Variants in MRPS16 observed in about 807,000 individuals in gnomAD.
MRPS16 encodes small ribosomal subunit protein bS16m.
Under a neutral mutation model 11.0 loss-of-function variants are expected in MRPS16, and 5 were observed. The observed-to-expected ratio is 0.46, with a 90% CI of 0.24 to 0.96. The LOEUF (loss-of-function observed/expected upper bound fraction) is 0.96. Ranked by LOEUF, MRPS16 falls within the 40% of genes least tolerant of loss-of-function variation. The probability of loss-of-function intolerance (pLI) is 0.20; values close to 1 mark genes in which losing one functional copy is unlikely to be tolerated. For missense variants in MRPS16, 179 were observed against 174.4 expected, an observed-to-expected ratio of 1.03 and a Z score of -0.15; for synonymous variants, 76 against 65.0, an observed-to-expected ratio of 1.17 and a Z score of -0.81.
Position 73,252,013 on chromosome 10 carries a change from G to A in MRPS16, c.24C>T (p.Leu8=), listed in dbSNP as rs777170859. The part of the protein sequence containing the change: MVHLTTL[L]CKAYRGGHLT... The stretch of plus-strand genomic sequence containing the variant: ...AGTGGCCCCCACGGTAGGCCTTGCA[G>A]AGGAGAGTAGCTGTAGAAAAGCAGC... Residue 8 remains leucine (L), a synonymous_variant, in exon 2 of 3, where the codon CTC becomes CTT. Transcript: ENST00000372945. The A allele has an allele frequency of 1.9e-6, 3 of 1,613,740 alleles. No individual in the cohort carries two copies. In the East Asian group the frequency reaches 6.7e-5, roughly 36 times the overall value.
Position 73,251,968 on chromosome 10 carries a change from C to T in MRPS16, c.69G>A (p.Leu23=), listed in dbSNP as rs146931290. The T allele has an allele frequency of 2.5e-6, 4 of 1,614,192 alleles. No homozygotes were observed. Among genetic ancestry groups the T allele is most frequent in the Non-Finnish European group, 3.4e-6 (4 of 1,180,030 alleles). The change falls in exon 2 of 3, where the codon CTG becomes CTA. Residue 23 remains leucine, a synonymous_variant. Transcript: ENST00000372945. ...RGGHLTIRLA[L]GGCTNRPFYR... Reference sequence around the variant, plus strand: ...AGAACGGCCGATTGGTGCAGCCACCCAGGGCAAGGCGGATGGTTAAGTGGC... The same window carrying T: ...AGAACGGCCGATTGGTGCAGCCACCTAGGGCAAGGCGGATGGTTAAGTGGC...
Position 73,249,362 on chromosome 10 carries a change from T to C in MRPS16, c.*1490A>G, listed in dbSNP as rs1014616438. Reference sequence around the variant, plus strand: ...CAAATAAAAAAGTAGAACTAAAGTATACTGAAGTTATTCAAATACATTCAA... The same window carrying C: ...CAAATAAAAAAGTAGAACTAAAGTACACTGAAGTTATTCAAATACATTCAA... On this transcript the variant is annotated 3_prime_UTR_variant, in exon 3 of 3. Coordinates refer to ENST00000372945, the MANE Select transcript of MRPS16 (RefSeq NM_016065.4). 1 of 1,517,526 alleles carries C rather than the reference T, an allele frequency of 6.6e-7. No homozygotes were observed. The highest frequency in any genetic ancestry group is 1.4e-5 in the African/African-American group (1 of 72,142). 94.0% of individuals were successfully genotyped at this position (1,517,526 alleles called of 1,614,324 possible). A position where few individuals can be genotyped will look rare whatever the true frequency, so the allele number is the denominator to read the frequency against.
intron 1 of MRPS16, 82 bp from the exon 2 acceptor site, chr10:73,252,105 A>G: frequency 1.3e-6 from 2 of 1,531,000 alleles, no homozygotes; most frequent in Non-Finnish European, 1.8e-6. Context: ...CCCTTTTCCC[A>G]CTGAAATGTC....
intron 2 of MRPS16, among the ~76,000 whole-genome samples, chr10:73,251,377 CTT>C (rs371844159): frequency 1.2e-4 from 17 of 146,682 alleles, no homozygotes; most frequent in African/African-American, 4.0e-4. Flanking sequence ...TGAAATAACT[CTT>C]TTTTTTTTTT....
At position 73,252,585 on chromosome 10, in the gene MRPS16, C is replaced by A. The variant is rs11538567; in HGVS notation, c.-103G>T. 41,677 of 1,507,208 alleles carry A rather than the reference C, an allele frequency of 0.028. 765 individuals are homozygous for A. Among genetic ancestry groups the A allele is most frequent in the Middle Eastern group, 0.086 (508 of 5,876 alleles). The allele number at this position is 1,507,208 out of a possible 1,614,324, so 93.4% of individuals were successfully genotyped here. A position where few individuals can be genotyped will look rare whatever the true frequency, so the allele number is the denominator to read the frequency against. On this transcript the variant is annotated 5_prime_UTR_variant, in exon 1 of 3. Transcript: ENST00000372945. ...ACAAACACAGAAAGAACCTGCAAGC[C>A]GACACCAGGCCGCACCGCCAAGCGG...
chr10:73,252,111 A>C, intron 1 of MRPS16, 88 bp from the exon 2 acceptor site: 1 of 1,518,634 alleles, frequency 6.6e-7, no homozygotes, highest in African/African-American at 1.4e-5. Context: ...TCCCACTGAA[A>C]TGTCTCACTT....
intron 1 of MRPS16, 178 bp from the exon 2 acceptor site, chr10:73,252,201 C>G: frequency 9.0e-7 from 1 of 1,106,090 alleles, no homozygotes; most frequent in South Asian, 1.4e-5. Flanking sequence ...CAGCAATGAC[C>G]TCCTCCTCAT....
Position 73,250,913 on chromosome 10 carries a change from A to AC in MRPS16, c.352dup (p.Val118GlyfsTer39). The AC allele has an allele frequency of 6.2e-7, 1 of 1,614,178 alleles. No individual in the cohort carries two copies. Among genetic ancestry groups the AC allele is most frequent in the Non-Finnish European group, 8.5e-7 (1 of 1,180,032 alleles). ...ATCTGTTTTCTGAGAAGCTAACAGG[A>AC]CTTCACGTGCCCGTTTCCTTCGCAG... On this transcript the variant is annotated frameshift_variant, in exon 3 of 3. Transcript: ENST00000372945. LOFTEE classifies it high-confidence loss of function.
At position 73,250,772 on chromosome 10, in the gene MRPS16, TAAC is replaced by T; in HGVS notation, c.*77_*79del. 1.3e-6 allele frequency: 2 copies of T among 1,574,618 alleles called. No homozygotes were observed. Among genetic ancestry groups the T allele is most frequent in the Non-Finnish European group, 1.7e-6 (2 of 1,153,948 alleles). On this transcript the variant is annotated 3_prime_UTR_variant, in exon 3 of 3. Coordinates refer to ENST00000372945, the MANE Select transcript of MRPS16 (RefSeq NM_016065.4). Reference sequence around the variant, plus strand: ...TACTCCATTTATTGAACTCCAAATCTAACAAAATTAAGATCGCTGCAGTGTTTC... The same window carrying T: ...TACTCCATTTATTGAACTCCAAATCTAAAATTAAGATCGCTGCAGTGTTTC...
Position 73,251,903 on chromosome 10 carries a change from C to T in MRPS16, c.134G>A (p.Gly45Asp). 6.2e-7 allele frequency: 1 copy of T among 1,614,164 alleles called. No individual in the cohort carries two copies. The highest frequency in any genetic ancestry group is 8.5e-7 in the Non-Finnish European group (1 of 1,180,032). Residue 45 changes from glycine to aspartate, a missense_variant, in exon 2 of 3, where the codon GGC becomes GAC. Transcript: ENST00000372945. ...GGAGCCCAGCTGCTCTACGAAACGG[C>T]CATCCCTGGGACACTTGTTGTGAGC... ...VAAHNKCPRD[G>D]RFVEQLGSYD... is the part of the protein sequence containing the mutation.
Position 73,250,510 on chromosome 10 carries a change from ATGAATAGTC to A in MRPS16, c.*333_*341del. 1 of 366,072 alleles carries A rather than the reference ATGAATAGTC, an allele frequency of 2.7e-6. No individual in the cohort carries two copies. The highest frequency in any genetic ancestry group is 5.2e-6 in the Non-Finnish European group (1 of 192,486). 22.7% of individuals were successfully genotyped at this position (366,072 alleles called of 1,614,324 possible). A position where few individuals can be genotyped will look rare whatever the true frequency, so the allele number is the denominator to read the frequency against. On this transcript the variant is annotated 3_prime_UTR_variant, in exon 3 of 3. Transcript: ENST00000372945. Reference sequence around the variant, plus strand: ...ATGAACATGAAGATCTGAATGGGCCATGAATAGTCTGGCTGGGGGTTTTGAAGCAGGAAG... The same window carrying A: ...ATGAACATGAAGATCTGAATGGGCCATGGCTGGGGGTTTTGAAGCAGGAAG...
chr10:73,249,211 C>G lies in MRPS16; in HGVS notation c.*1641G>C. 1 of 1,421,102 alleles carries G rather than the reference C, an allele frequency of 7.0e-7. No homozygotes were observed. The highest frequency in any genetic ancestry group is 9.7e-7 in the Non-Finnish European group (1 of 1,032,214). 88.0% of individuals were successfully genotyped at this position (1,421,102 alleles called of 1,614,324 possible). A position where few individuals can be genotyped will look rare whatever the true frequency, so the allele number is the denominator to read the frequency against. ...GAGATTACAGGTGTGAGCCACTGCC[C>G]CAATGGTATCTTTATATTATTTTTC... is the stretch of plus-strand genomic sequence containing the variant. On this transcript the variant is annotated 3_prime_UTR_variant, in exon 3 of 3. Transcript: ENST00000372945.
At position 73,252,604 on chromosome 10, in the gene MRPS16, C is replaced by T. The variant is rs1250096795; in HGVS notation, c.-122G>A. The T allele has an allele frequency of 1.4e-6, 2 of 1,415,024 alleles. No individual in the cohort carries two copies. The highest frequency in any genetic ancestry group is 9.6e-7 in the Non-Finnish European group (1 of 1,036,942). 87.7% of individuals were successfully genotyped at this position (1,415,024 alleles called of 1,614,324 possible). On this transcript the variant is annotated 5_prime_UTR_variant, in exon 1 of 3. Transcript: ENST00000372945. ...GCAAGCCGACACCAGGCCGCACCGCCAAGCGGTACAAGCCCGAAAACCTCG... is the reference window on the plus strand; with the variant it reads ...GCAAGCCGACACCAGGCCGCACCGCTAAGCGGTACAAGCCCGAAAACCTCG...
At position 73,250,749 on chromosome 10, in the gene MRPS16, C is replaced by T. The variant is rs923184891; in HGVS notation, c.*103G>A. On this transcript the variant is annotated 3_prime_UTR_variant, in exon 3 of 3. Coordinates refer to ENST00000372945, the MANE Select transcript of MRPS16 (RefSeq NM_016065.4). The stretch of plus-strand genomic sequence containing the variant: ...AGAAGAGCAAGGGCAACTCAGGATA[C>T]TCCATTTATTGAACTCCAAATCTAA... 1.3e-5 allele frequency: 20 copies of T among 1,481,516 alleles called. No homozygotes were observed. Among genetic ancestry groups the T allele is most frequent in the Non-Finnish European group, 1.8e-5 (19 of 1,073,212 alleles). 91.8% of individuals were successfully genotyped at this position (1,481,516 alleles called of 1,614,324 possible).
chr10:73,252,215 C>G, intron 1 of MRPS16, 192 bp from the exon 2 acceptor site: 1 of 1,044,146 alleles, frequency 9.6e-7, no homozygotes, highest in Non-Finnish European at 1.4e-6. Flanking sequence ...TCCTCATACC[C>G]AAACCCACCC....
rs2044137671 is a variant in MRPS16 at position 73,252,596 on chromosome 10, C to T, written c.-114G>A. The T allele has an allele frequency of 6.8e-7, 1 of 1,471,598 alleles. No individual in the cohort carries two copies. The highest frequency in any genetic ancestry group is 9.2e-7 in the Non-Finnish European group (1 of 1,086,094). 91.2% of individuals were successfully genotyped at this position (1,471,598 alleles called of 1,614,324 possible). Reference sequence around the variant, plus strand: ...AAGAACCTGCAAGCCGACACCAGGCCGCACCGCCAAGCGGTACAAGCCCGA... The same window carrying T: ...AAGAACCTGCAAGCCGACACCAGGCTGCACCGCCAAGCGGTACAAGCCCGA... On this transcript the variant is annotated 5_prime_UTR_variant, in exon 1 of 3. Transcript: ENST00000372945.
In MRPS16 at chr10:73,250,022, A is replaced by G. The variant is rs902515132; in HGVS notation, c.*830T>C. 1 of 151,486 alleles carries G rather than the reference A, an allele frequency of 6.6e-6. No individual in the cohort carries two copies. Among genetic ancestry groups the G allele is most frequent in the Non-Finnish European group, 1.5e-5 (1 of 67,508 alleles). 9.4% of individuals were successfully genotyped at this position (151,486 alleles called of 1,614,324 possible). On this transcript the variant is annotated 3_prime_UTR_variant, in exon 3 of 3. Coordinates refer to ENST00000372945, the MANE Select transcript of MRPS16 (RefSeq NM_016065.4). ...GGAGATCAAAACCATCCTGGATAAC[A>G]TGGTGAAACCCCATCTCTACTAAAA...
rs1391394920 is a variant in MRPS16, at chr10:73,252,314, T to A, written c.13+156A>T. 8 of 1,239,198 alleles carry A rather than the reference T, an allele frequency of 6.5e-6. No homozygotes were observed. In the East Asian group the frequency reaches 2.0e-4, roughly 31 times the overall value. 76.8% of individuals were successfully genotyped at this position (1,239,198 alleles called of 1,614,324 possible). On this transcript the variant is annotated intron_variant, in intron 1 of 2. Coordinates refer to ENST00000372945, the MANE Select transcript of MRPS16 (RefSeq NM_016065.4). ...TGGAAATTTTTCAGCGGTGATTAAG[T>A]GGGGAAAAAACTGAGAGAAGGATCA...
chr10:73,252,117 C>T lies in MRPS16; in HGVS notation c.14-94G>A, dbSNP rs1432075336. 2.4e-5 allele frequency: 36 copies of T among 1,499,466 alleles called. No individual in the cohort carries two copies. In the East Asian group the frequency reaches 7.3e-4, roughly 31 times the overall value. 92.9% of individuals were successfully genotyped at this position (1,499,466 alleles called of 1,614,324 possible). ...ATTCCCTTTTCCCACTGAAATGTCT[C>T]ACTTCCAATCCATTCCTGTCAATCC... On this transcript the variant is annotated intron_variant, in intron 1 of 2. Coordinates refer to ENST00000372945, the MANE Select transcript of MRPS16 (RefSeq NM_016065.4).
Sources: gnomAD v4.1 joint callset for allele counts (sites outside exome capture counted in the v4.1 genomes callset) on GRCh38, gnomAD v4.1.1 for gene constraint, MANE v1.5 for transcripts, NCBI Gene and HGNC (gene_info 2026-07-23, HGNC 2026-07-21) for gene names.